The following SETBP1 variants were observed in gnomAD, a reference collection of about 807,000 sequenced individuals.
The protein encoded by SETBP1 is SET-binding protein.
In SETBP1, 9 loss-of-function variants were observed where a neutral mutation model predicts 101.0. That is an observed-to-expected ratio of 0.09 (90% CI 0.05 to 0.16). The LOEUF is 0.16. SETBP1 is among the 10% of genes least tolerant of loss of function. SETBP1 has a pLI of 1.00. For missense variants in SETBP1, 1,858 were observed against 2,033.8 expected (o/e 0.91, Z 1.66); for synonymous variants, 818 against 788.5 (o/e 1.04, Z -0.63).
intron 4 of SETBP1, among the ~76,000 whole-genome samples, chr18:44,960,761 T>A (rs528778448): frequency 6.6e-6 from 1 of 152,188 alleles, no homozygotes. Context: ...ATCTCTGTAC[T>A]CTTCATGCTG....
At chr18:44,761,881 T>G (rs1207626995) in intron 2 of SETBP1, among the ~76,000 whole-genome samples, 1 of 152,242 alleles carries the variant, frequency 6.6e-6, no homozygotes, top group African/African-American at 2.4e-5. Context: ...TATAGGTTTT[T>G]TGATGTCCGA....
chr18:44,884,645 G>T (rs2069600154), intron 3 of SETBP1, among the ~76,000 whole-genome samples: 1 of 152,184 alleles, frequency 6.6e-6, no homozygotes, highest in Non-Finnish European at 1.5e-5. Context: ...TAATTCACAA[G>T]TATGCCATCA....
chr18:44,896,595 C>A (rs950351951), intron 3 of SETBP1, among the ~76,000 whole-genome samples: 6 of 152,106 alleles, frequency 3.9e-5, no homozygotes, highest in Admixed American at 2.0e-4. Context: ...TGGGTTCAAG[C>A]AATTCTGCCT....
chr18:45,021,405 G>T (rs554550426), intron 4 of SETBP1, among the ~76,000 whole-genome samples: 17 of 152,222 alleles, frequency 1.1e-4, no homozygotes, highest in Non-Finnish European at 2.1e-4. Context: ...TCGCTCTCCT[G>T]GTTAAACTGC....
At chr18:44,680,452 C>G (rs1453374074), upstream of SETBP1, 1 of 151,968 alleles carries the variant, frequency 6.6e-6, no homozygotes, top group Non-Finnish European at 1.5e-5. Context: ...TCCCTCCGCG[C>G]CGCGGGCCCC....
chr18:44,941,921 A>G (rs2071097445), intron 3 of SETBP1, among the ~76,000 whole-genome samples: 1 of 151,954 alleles, frequency 6.6e-6, no homozygotes, highest in African/African-American at 2.4e-5. Flanking sequence ...CTGTTTGGAG[A>G]GCCTTGGATT....
intron 1 of SETBP1, among the ~76,000 whole-genome samples, chr18:44,686,031 G>C (rs1386840736): frequency 6.6e-6 from 1 of 152,210 alleles, no homozygotes; most frequent in African/African-American, 2.4e-5. Flanking sequence ...GAGAGAATGA[G>C]GGGGAGGTTC....
intron 2 of SETBP1, among the ~76,000 whole-genome samples, chr18:44,772,152 A>G (rs1568135275): frequency 6.6e-6 from 1 of 151,440 alleles, no homozygotes; most frequent in African/African-American, 2.4e-5. Context: ...TGTGAGTTTG[A>G]TCTTCTGTGA....
chr18:44,907,814 G>A (rs1313564934), intron 3 of SETBP1, among the ~76,000 whole-genome samples: 2 of 152,114 alleles, frequency 1.3e-5, no homozygotes, highest in Non-Finnish European at 2.9e-5. Context: ...TCACTTTCAT[G>A]CCAGTGACCT....
rs116804438 is a variant in SETBP1 at position 44,785,604 on chromosome 18, A to C, written c.487-83626A>C. ...TATGTTTATTGATTTTCCAGTCCCT[A>C]GACTTGTCAGCCCTCATCTCCCCAT... On this transcript the variant is annotated intron_variant, in intron 2 of 5. Coordinates refer to ENST00000649279, the MANE Select transcript of SETBP1 (RefSeq NM_015559.3). Among the ~76,000 whole-genome samples, 598 of 152,286 alleles carry C rather than the reference A, an allele frequency of 3.9e-3. 8 individuals are homozygous for C. Among genetic ancestry groups the C allele is most frequent in the African/African-American group, 0.014 (573 of 41,564 alleles).
At chr18:45,017,291 G>A (rs986185327) in intron 4 of SETBP1, among the ~76,000 whole-genome samples, 12 of 152,150 alleles carry the variant, frequency 7.9e-5, no homozygotes, top group Non-Finnish European at 1.3e-4. Context: ...GCAGACCTGA[G>A]GCACACAACT....
At chr18:45,031,907 C>T (rs2073304310) in intron 4 of SETBP1, among the ~76,000 whole-genome samples, 1 of 152,202 alleles carries the variant, frequency 6.6e-6, no homozygotes, top group South Asian at 2.1e-4. Context: ...TTTTTCCCAG[C>T]TGCCTTTCCA....
At chr18:44,753,576 T>C (rs2070432895) in intron 2 of SETBP1, among the ~76,000 whole-genome samples, 1 of 152,234 alleles carries the variant, frequency 6.6e-6, no homozygotes, top group Non-Finnish European at 1.5e-5. Context: ...AGGAAATTCA[T>C]TTCTCAAGTT....
At chr18:44,949,729 A>G in intron 3 of SETBP1, 152 bp from the exon 4 acceptor site, 1 of 685,460 alleles carries the variant, frequency 1.5e-6, no homozygotes, top group Non-Finnish European at 2.6e-6. Context: ...TCTGTAAGAC[A>G]TTCTAAAATT....
chr18:44,695,528 G>A (rs1568093950), intron 1 of SETBP1, among the ~76,000 whole-genome samples: 1 of 152,156 alleles, frequency 6.6e-6, no homozygotes, highest in Non-Finnish European at 1.5e-5. Context: ...AAATTTTGAG[G>A]CAAAAAGTTC....
At chr18:44,974,804 G>A (rs1028344946) in intron 4 of SETBP1, among the ~76,000 whole-genome samples, 1 of 152,224 alleles carries the variant, frequency 6.6e-6, no homozygotes, top group Admixed American at 6.5e-5. Flanking sequence ...CACAGTCACT[G>A]TATGAATTTC....
chr18:44,828,642 C>T (rs375377557), intron 2 of SETBP1, among the ~76,000 whole-genome samples: 2 of 152,196 alleles, frequency 1.3e-5, no homozygotes, highest in East Asian at 3.8e-4. Context: ...CTGACTTGTG[C>T]TTTGTATCTA....
intron 4 of SETBP1, among the ~76,000 whole-genome samples, chr18:44,974,641 A>G (rs1375153887): frequency 6.6e-6 from 1 of 152,210 alleles, no homozygotes; most frequent in Non-Finnish European, 1.5e-5. Flanking sequence ...AAGCCTGGTA[A>G]CACAAAACCC....
At chr18:45,035,926 A>C (rs1363765002) in intron 4 of SETBP1, among the ~76,000 whole-genome samples, 1 of 152,210 alleles carries the variant, frequency 6.6e-6, no homozygotes, top group East Asian at 1.9e-4. Flanking sequence ...TACCTCAGTC[A>C]TTCTGCCCCA....
Sources: allele counts gnomAD v4.1 joint callset (sites outside exome capture counted in the v4.1 genomes callset), GRCh38; gene constraint gnomAD v4.1.1; transcripts MANE v1.5; gene names NCBI Gene and HGNC (gene_info 2026-07-23, HGNC 2026-07-21).